The following STK17B variants were observed in gnomAD, a reference collection of about 807,000 sequenced individuals.
STK17B encodes the protein serine/threonine kinase 17b.
In STK17B, 21 loss-of-function variants were observed where a neutral mutation model predicts 42.0. That is an observed-to-expected ratio of 0.50 (90% CI 0.35 to 0.72). The LOEUF is 0.72. Among genes scored for constraint, STK17B ranks in the 30% least tolerant of loss-of-function variants. STK17B has a pLI of 0.00. For missense variants in STK17B, 349 were observed against 446.0 expected, an observed-to-expected ratio of 0.78 and a Z score of 1.96; for synonymous variants, 143 against 148.4, an observed-to-expected ratio of 0.96 and a Z score of 0.26.
At chr2:196,172,741 A>T (rs1699963495), upstream of STK17B, among the ~76,000 whole-genome samples, 1 of 152,228 alleles carries the variant, frequency 6.6e-6, no homozygotes, top group Non-Finnish European at 1.5e-5. Context: ...AAACCTTGTC[A>T]AATGGAGAAT....
chr2:196,144,597 G>A (rs142494241), intron 4 of STK17B, among the ~76,000 whole-genome samples: 118 of 148,630 alleles, frequency 7.9e-4, no homozygotes, highest in African/African-American at 2.8e-3. Flanking sequence ...AACATTTCCA[G>A]AAATGAAAAA....
In STK17B at chr2:196,139,727, T is replaced by C. The variant is rs377478069; in HGVS notation, c.729A>G (p.Thr243=). Residue 243 remains threonine, a synonymous_variant, in exon 7 of 8, where the codon ACA becomes ACG. Transcript: ENST00000263955. ...SPFVGEDNQE[T]YLNISQVNVD... is the part of the protein sequence containing the mutation. ...CATTAACTTGAGAAATATTGAGGTA[T>C]GTTTCTTGATTATCTTCTCCCACAA... The C allele has an allele frequency of 1.4e-6, 2 of 1,464,516 alleles. No homozygotes were observed. The highest frequency in any genetic ancestry group is 2.6e-5 in the East Asian group (1 of 38,578). The allele number at this position is 1,464,516 out of a possible 1,614,324, so 90.7% of individuals were successfully genotyped here. A position where few individuals can be genotyped will look rare whatever the true frequency, so the allele number is the denominator to read the frequency against.
chr2:196,161,412 TAA>T (rs1332879173), intron 2 of STK17B, among the ~76,000 whole-genome samples: 2 of 151,482 alleles, frequency 1.3e-5, no homozygotes, highest in East Asian at 3.9e-4. Context: ...AATACACCAT[TAA>T]AACACCCAAA....
rs1435016218 is a variant in STK17B at position 196,136,491 on chromosome 2, A to C, written c.*956T>G. 1 of 152,540 alleles carries C rather than the reference A, an allele frequency of 6.6e-6. No homozygotes were observed. Among genetic ancestry groups the C allele is most frequent in the Middle Eastern group, 3.2e-3 (1 of 316 alleles). The allele number at this position is 152,540 out of a possible 1,614,324, so 9.4% of individuals were successfully genotyped here. A position where few individuals can be genotyped will look rare whatever the true frequency, so the allele number is the denominator to read the frequency against. On this transcript the variant is annotated 3_prime_UTR_variant, in exon 8 of 8. Transcript: ENST00000263955. ...GTGTTAATAGACCTACCGGTGCTGTAATTTTTTATGCATACTTTTAGAACT... is the reference window on the plus strand; with the variant it reads ...GTGTTAATAGACCTACCGGTGCTGTCATTTTTTATGCATACTTTTAGAACT...
At chr2:196,161,243 G>A (rs1372294557) in intron 2 of STK17B, among the ~76,000 whole-genome samples, 1 of 150,046 alleles carries the variant, frequency 6.7e-6, no homozygotes, top group Admixed American at 6.7e-5. Flanking sequence ...CCAATGCAGA[G>A]ATTCTATGGT....
chr2:196,138,104 T>G (rs1156988396), intron 7 of STK17B, among the ~76,000 whole-genome samples: 1 of 152,234 alleles, frequency 6.6e-6, no homozygotes, highest in East Asian at 1.9e-4. Flanking sequence ...CTATCGTCTG[T>G]GCTTTTAAGC....
rs139223894 is a variant in STK17B, at chr2:196,158,637, C to T, written c.123-1986G>A. 8.9e-3 allele frequency among the ~76,000 whole-genome samples: 1,358 copies of T among 152,238 alleles called. 12 individuals are homozygous for T. The highest frequency in any genetic ancestry group is 0.02 in the Admixed American group (313 of 15,290). On this transcript the variant is annotated intron_variant, in intron 2 of 7. Transcript: ENST00000263955. ...CCTCATGAAAGCTCATAAATGGAAT[C>T]GGAGCCTCAAGAATAAAACTGTGAA...
upstream of STK17B, among the ~76,000 whole-genome samples, chr2:196,173,275 C>T (rs1219445640): frequency 1.3e-5 from 2 of 152,208 alleles, no homozygotes; most frequent in African/African-American, 4.8e-5. Context: ...TCCTCCTCAT[C>T]CATACCTGTT....
intron 5 of STK17B, 67 bp downstream of exon 5, chr2:196,143,493 G>T: frequency 7.1e-7 from 1 of 1,405,400 alleles, no homozygotes; most frequent in Non-Finnish European, 9.6e-7. Flanking sequence ...CTAAAATATA[G>T]TTCTACAGAG....
upstream of STK17B, among the ~76,000 whole-genome samples, chr2:196,175,026 C>T (rs10193933): frequency 0.27 from 41,053 of 152,060 alleles, 5,975 homozygotes; most frequent in African/African-American, 0.37. Context: ...AGAAATGCCA[C>T]GCACATTGGC....
chr2:196,156,570 T>C lies in STK17B; in HGVS notation c.204A>G (p.Arg68=), dbSNP rs1384964829. 3 of 1,614,110 alleles carry C rather than the reference T, an allele frequency of 1.9e-6. No individual in the cohort carries two copies. The highest frequency in any genetic ancestry group is 3.3e-4 in the Middle Eastern group (2 of 6,058). Residue 68 remains arginine, a synonymous_variant, in exon 3 of 8, where the codon AGA becomes AGG. Coordinates refer to ENST00000263955, the MANE Select transcript of STK17B (RefSeq NM_004226.4). ...TTTCTGCTCGACAATCCTGTCCTCT[T>C]CTTCTCTTTTTTAGAAATTTTGCAG... ...EYAAKFLKKR[R]RGQDCRAEIL...
In STK17B at chr2:196,167,341, C is replaced by A. The variant is rs181013494; in HGVS notation, c.-44-3914G>T. Among the ~76,000 whole-genome samples the A allele has an allele frequency of 1.8e-3, 271 of 152,188 alleles. 1 individual carries two copies. Among genetic ancestry groups the A allele is most frequent in the African/African-American group, 6.2e-3 (258 of 41,500 alleles). On this transcript the variant is annotated intron_variant, in intron 1 of 7. Transcript: ENST00000263955. ...AGCAACCAGCATGGTATCTGCCACC[C>A]GGTAGGAATTTTAAAAATGTTTGAT...
chr2:196,162,395 C>T lies in STK17B; in HGVS notation c.122+867G>A, dbSNP rs548718287. 3.3e-5 allele frequency among the ~76,000 whole-genome samples: 5 copies of T among 150,548 alleles called. No homozygotes were observed. The South Asian group carries it at 1.0e-3, about 32-fold the overall frequency. Reference sequence around the variant, plus strand: ...CAACTTAGGAGAGGGGGAGAATCTCCCTATTTCTTCTTCTTCTTCTTTTTT... The same window carrying T: ...CAACTTAGGAGAGGGGGAGAATCTCTCTATTTCTTCTTCTTCTTCTTTTTT... On this transcript the variant is annotated intron_variant, in intron 2 of 7. Coordinates refer to ENST00000263955, the MANE Select transcript of STK17B (RefSeq NM_004226.4).
chr2:196,166,732 T>A (rs1322414904), intron 1 of STK17B, among the ~76,000 whole-genome samples: 2 of 152,218 alleles, frequency 1.3e-5, no homozygotes, highest in Admixed American at 6.5e-5. Context: ...AGGCTTGATC[T>A]GGGCCTTCAC....
intron 3 of STK17B, among the ~76,000 whole-genome samples, chr2:196,150,092 G>A (rs1575177430): frequency 7.0e-6 from 1 of 142,502 alleles, no homozygotes; most frequent in Non-Finnish European, 1.5e-5. Context: ...GAAGTTGGCA[G>A]AAATTGGAAA....
At chr2:196,171,762 A>T (rs996535006), upstream of STK17B, among the ~76,000 whole-genome samples, 3 of 98,598 alleles carry the variant, frequency 3.0e-5, no homozygotes, top group African/African-American at 8.1e-5. Context: ...GGCTGGCCCG[A>T]GGCGGGGCGG....
Position 196,136,979 on chromosome 2 carries a change from T to C in STK17B, c.*468A>G, listed in dbSNP as rs1007220078. Reference sequence around the variant, plus strand: ...AAATGTCTCTTGAGCATCTATAAAGTAGAAATTATTTTGGCTTAAACTTCA... The same window carrying C: ...AAATGTCTCTTGAGCATCTATAAAGCAGAAATTATTTTGGCTTAAACTTCA... On this transcript the variant is annotated 3_prime_UTR_variant, in exon 8 of 8. Coordinates refer to ENST00000263955, the MANE Select transcript of STK17B (RefSeq NM_004226.4). 2 of 152,680 alleles carry C rather than the reference T, an allele frequency of 1.3e-5. No individual in the cohort carries two copies. The highest frequency in any genetic ancestry group is 4.8e-5 in the African/African-American group (2 of 41,452). The allele number at this position is 152,680 out of a possible 1,614,324, so 9.5% of individuals were successfully genotyped here.
chr2:196,161,016 T>C (rs766131168), intron 2 of STK17B, among the ~76,000 whole-genome samples: 3 of 152,158 alleles, frequency 2.0e-5, no homozygotes, highest in Non-Finnish European at 4.4e-5. Context: ...ATTTAAAAAA[T>C]GTAAGTAAAT....
chr2:196,139,992 A>G (rs1699470606), intron 6 of STK17B, among the ~76,000 whole-genome samples, 193 bp from the exon 7 acceptor site: 1 of 152,242 alleles, frequency 6.6e-6, no homozygotes, highest in Non-Finnish European at 1.5e-5. Flanking sequence ...GAAAGAGAAC[A>G]CAAGGGAATG....
Sources: allele counts gnomAD v4.1 joint callset (sites outside exome capture counted in the v4.1 genomes callset), GRCh38; gene constraint gnomAD v4.1.1; transcripts MANE v1.5; gene names NCBI Gene and HGNC (gene_info 2026-07-23, HGNC 2026-07-21).